The following CIITA variants were observed in gnomAD, a reference collection of about 807,000 sequenced individuals.
CIITA encodes the protein MHC class II transactivator.
CIITA carries 72 observed loss-of-function variants against 115.1 expected under a neutral mutation model. The ratio of observed to expected loss-of-function variants is 0.63; its 90% CI spans 0.52 to 0.76. CIITA has a LOEUF of 0.76. Ranked by LOEUF, CIITA falls within the 30% of genes least tolerant of loss-of-function variation. CIITA has a pLI of 0.00. For missense variants in CIITA, 1,617 were observed against 1,463.8 expected, an observed-to-expected ratio of 1.10 and a Z score of -1.71; for synonymous variants, 763 against 635.6, an observed-to-expected ratio of 1.20 and a Z score of -3.02.
intron 15 of CIITA, among the ~76,000 whole-genome samples, chr16:10,917,456 G>C (rs1278388475): frequency 3.3e-5 from 5 of 149,508 alleles, no homozygotes; most frequent in Non-Finnish European, 5.9e-5. Flanking sequence ...TTACAGGCAT[G>C]AGTCACTGTG....
rs1418088482 is a variant in CIITA, at chr16:10,902,127, T to C, written c.571T>C (p.Phe191Leu). 6.2e-7 allele frequency: 1 copy of C among 1,614,146 alleles called. No homozygotes were observed. Among genetic ancestry groups the C allele is most frequent in the South Asian group, 1.1e-5 (1 of 91,086 alleles). ...TLPCLPLPAL[F>L]NQEPASGQMR... ...GCCCTGCCTGCCACTGCCTGCGCTG[T>C]TCAACCAGGAGCCAGCCTCCGGCCA... is the stretch of plus-strand genomic sequence containing the variant. Residue 191 changes from phenylalanine to leucine, a missense_variant, in exon 7 of 20, where the codon TTC becomes CTC. Coordinates refer to ENST00000324288, the MANE Select transcript of CIITA (RefSeq NM_000246.4).
rs1171132473 is a variant in CIITA, at chr16:10,925,711, CACAT to C, written c.*1860_*1863del. 5 of 152,424 alleles carry C rather than the reference CACAT, an allele frequency of 3.3e-5. No homozygotes were observed. Among genetic ancestry groups the C allele is most frequent in the Admixed American group, 1.3e-4 (2 of 15,314 alleles). 9.4% of individuals were successfully genotyped at this position (152,424 alleles called of 1,614,324 possible). On this transcript the variant is annotated 3_prime_UTR_variant, in exon 20 of 20. Coordinates refer to ENST00000324288, the MANE Select transcript of CIITA (RefSeq NM_000246.4). Reference sequence around the variant, plus strand: ...ACATGCACGTGTGTGCACGTACACACACATACACACACACGCGTGCACACACCAG... The same window carrying C: ...ACATGCACGTGTGTGCACGTACACACACACACACACGCGTGCACACACCAG...
At chr16:10,915,452 G>A (rs2039886546) in intron 13 of CIITA, 118 bp from the exon 14 acceptor site, 2 of 786,754 alleles carry the variant, frequency 2.5e-6, no homozygotes, top group South Asian at 2.8e-5. Flanking sequence ...GGGTGGAAGG[G>A]AAGAGGAGGG....
intron 1 of CIITA, among the ~76,000 whole-genome samples, chr16:10,894,826 T>C (rs1053451738): frequency 3.9e-5 from 6 of 152,222 alleles, no homozygotes; most frequent in African/African-American, 1.4e-4. Context: ...TTTCCTTACA[T>C]AAATCACTTC....
At chr16:10,912,173 G>C (rs1384361062) in intron 13 of CIITA, among the ~76,000 whole-genome samples, 1 of 151,972 alleles carries the variant, frequency 6.6e-6, no homozygotes, top group African/African-American at 2.4e-5. Flanking sequence ...AGAATGCAGT[G>C]GTATGATCTT....
At chr16:10,887,720 C>T (rs1397504956) in intron 1 of CIITA, among the ~76,000 whole-genome samples, 1 of 152,228 alleles carries the variant, frequency 6.6e-6, no homozygotes, top group East Asian at 1.9e-4. Context: ...GTCTTGAACT[C>T]CTGACCTCAA....
At chr16:10,899,023 T>C (rs1377766843) in intron 5 of CIITA, 21 bp downstream of exon 5, 6 of 1,613,012 alleles carry the variant, frequency 3.7e-6, no homozygotes, top group South Asian at 1.1e-5. Context: ...CCCTCCCTGA[T>C]CCAACCTAGC....
chr16:10,930,296 T>C lies in CIITA; in HGVS notation c.*6441T>C, dbSNP rs1008834665. The C allele has an allele frequency of 6.6e-6, 1 of 152,284 alleles. No individual in the cohort carries two copies. The highest frequency in any genetic ancestry group is 6.5e-5 in the Admixed American group (1 of 15,288). The allele number at this position is 152,284 out of a possible 1,614,324, so 9.4% of individuals were successfully genotyped here. ...TTGTATGTTAAACATGTGACATGTA[T>C]TGTTGTTTGACAGGGTGCTATTGAC... On this transcript the variant is annotated 3_prime_UTR_variant, in exon 20 of 20. Coordinates refer to ENST00000324288, the MANE Select transcript of CIITA (RefSeq NM_000246.4).
intron 1 of CIITA, among the ~76,000 whole-genome samples, chr16:10,869,536 G>C (rs1476000308): frequency 2.2e-5 from 2 of 91,224 alleles, no homozygotes; most frequent in African/African-American, 9.7e-5. Context: ...TTTTTTTTTT[G>C]ATACAGAGTC....
intron 1 of CIITA, among the ~76,000 whole-genome samples, chr16:10,871,551 G>A (rs966675243): frequency 6.6e-6 from 1 of 152,190 alleles, no homozygotes; most frequent in African/African-American, 2.4e-5. Flanking sequence ...CCTCTGGGAA[G>A]TCGCCTGATT....
At chr16:10,867,045 C>A (rs990744994) in intron 1 of CIITA, among the ~76,000 whole-genome samples, 5 of 152,134 alleles carry the variant, frequency 3.3e-5, no homozygotes, top group African/African-American at 9.7e-5. Flanking sequence ...CAGTTCGACA[C>A]CAGCCTGGCC....
rs1274997478 is a variant in CIITA, at chr16:10,906,792, A to G, written c.1300A>G (p.Ser434Gly). Residue 434 changes from serine (S) to glycine (G), a missense_variant, in exon 11 of 20, where the codon AGC becomes GGC. By Grantham distance (56) the Ser-to-Gly change is moderately conservative. Transcript: ENST00000324288. ...QGKSYWAGAV[S>G]RAWACGRLPQ... ...CAAGAGCTATTGGGCTGGGGCAGTGAGCCGGGCCTGGGCTTGTGGCCGGCT... is the reference window on the plus strand; with the variant it reads ...CAAGAGCTATTGGGCTGGGGCAGTGGGCCGGGCCTGGGCTTGTGGCCGGCT... The G allele has an allele frequency of 6.2e-7, 1 of 1,611,944 alleles. No homozygotes were observed. The highest frequency in any genetic ancestry group is 8.5e-7 in the Non-Finnish European group (1 of 1,180,036).
intron 4 of CIITA, 92 bp downstream of exon 4, chr16:10,898,824 T>G: frequency 6.3e-7 from 1 of 1,595,420 alleles, no homozygotes; most frequent in Non-Finnish European, 8.6e-7. Flanking sequence ...GACCATTCAT[T>G]GATGGGCAGT....
chr16:10,939,450 C>G (rs59076074), downstream of CIITA: 3,070 of 152,434 alleles, frequency 0.02, 101 homozygotes, highest in African/African-American at 0.07. The surrounding 1 kb of genome is among the most constrained non-coding windows in gnomAD (Gnocchi z 4.9). Context: ...TCCCACCCAC[C>G]TCACTGACCT....
intron 8 of CIITA, 24 bp downstream of exon 8, chr16:10,902,825 G>C: frequency 1.9e-6 from 3 of 1,613,346 alleles, no homozygotes; most frequent in South Asian, 2.2e-5. Context: ...CTGGCTCCCC[G>C]ACCACCTCTC....
chr16:10,900,038 G>A (rs550207152), intron 5 of CIITA, among the ~76,000 whole-genome samples: 5 of 152,112 alleles, frequency 3.3e-5, no homozygotes, highest in East Asian at 1.9e-4. Context: ...CTAAGATCAC[G>A]CCACTGCACT....
In CIITA at chr16:10,927,624, T is replaced by TG. The variant is rs1423636128; in HGVS notation, c.*3774dup. 2.6e-5 allele frequency: 4 copies of TG among 152,162 alleles called. No homozygotes were observed. Among genetic ancestry groups the TG allele is most frequent in the African/African-American group, 9.7e-5 (4 of 41,428 alleles). The allele number at this position is 152,162 out of a possible 1,614,324, so 9.4% of individuals were successfully genotyped here. ...AAGGCACCTGGGACAAGGGGGAACA[T>TG]GGGGGCTGCAAACCAGTCTGGGTTC... is the stretch of plus-strand genomic sequence containing the variant. On this transcript the variant is annotated 3_prime_UTR_variant, in exon 20 of 20. Transcript: ENST00000324288.
intron 14 of CIITA, among the ~76,000 whole-genome samples, chr16:10,915,984 C>A (rs568121516): frequency 6.6e-6 from 1 of 152,154 alleles, no homozygotes; most frequent in Non-Finnish European, 1.5e-5. Flanking sequence ...GTTGTAGATC[C>A]TTTCGTGACC....
chr16:10,915,806 C>T (rs903513690), intron 14 of CIITA, among the ~76,000 whole-genome samples, 156 bp downstream of exon 14: 1 of 152,208 alleles, frequency 6.6e-6, no homozygotes, highest in Non-Finnish European at 1.5e-5. Flanking sequence ...TGCCCAGCAA[C>T]CTCTGGGTTT....
Sources: allele counts gnomAD v4.1 joint callset (sites outside exome capture counted in the v4.1 genomes callset), GRCh38; gene constraint gnomAD v4.1.1; non-coding constraint Gnocchi (gnomAD v3.1); transcripts MANE v1.5; gene names NCBI Gene and HGNC (gene_info 2026-07-23, HGNC 2026-07-21).